Variants in SF1 observed in about 807,000 individuals in gnomAD.
The protein encoded by SF1 is splicing factor 1.
In SF1, 7 loss-of-function variants were observed where a neutral mutation model predicts 62.5. The observed-to-expected ratio is 0.11, with a 90% CI of 0.06 to 0.21. The LOEUF is 0.21. Among genes scored for constraint, SF1 ranks in the 10% least tolerant of loss-of-function variants. SF1 has a pLI of 1.00. For missense variants in SF1, 578 were observed against 884.0 expected, an observed-to-expected ratio of 0.65 and a Z score of 4.39; for synonymous variants, 394 against 323.6, an observed-to-expected ratio of 1.22 and a Z score of -2.33.
chr11:64,770,696 G>A (rs1405766949), intron 3 of SF1: 5 of 284,546 alleles, frequency 1.8e-5, no homozygotes, highest in Non-Finnish European at 3.3e-5. Context: ...TCTTTGGACT[G>A]TAAGTGGCAA....
intron 1 of SF1, chr11:64,777,783 C>G: frequency 2.1e-6 from 2 of 947,890 alleles, no homozygotes; most frequent in Non-Finnish European, 1.3e-6. Context: ...GCCTCCCGCC[C>G]GCCCAGCCCT....
rs773634108 is a variant in SF1, at chr11:64,769,498, T to C, written c.591A>G (p.Pro197=). Residue 197 remains proline, a synonymous_variant, in exon 6 of 13, where the codon CCA becomes CCG. Transcript: ENST00000377390. ...GGGCATGAAGTGGCTCATCTTCTCC[T>C]GGCAACATCTGGCCATCTTTGCGCC... is the stretch of plus-strand genomic sequence containing the variant. ...KVGRKDGQML[P]GEDEPLHALV... is the part of the protein sequence containing the mutation. 1.3e-5 allele frequency: 21 copies of C among 1,614,120 alleles called. No individual in the cohort carries two copies. In the Admixed American group the frequency reaches 3.0e-4, roughly 23 times the overall value.
At position 64,767,864 on chromosome 11, in the gene SF1, G is replaced by T. The variant is rs778883279; in HGVS notation, c.1069-20C>A. 7.5e-6 allele frequency: 12 copies of T among 1,603,532 alleles called. No homozygotes were observed. In the Admixed American group the frequency reaches 2.1e-4, roughly 28 times the overall value. On this transcript the variant is annotated intron_variant, in intron 9 of 12. Transcript: ENST00000377390. The stretch of plus-strand genomic sequence containing the variant: ...GAGAGACTACGTGAGAGCATTTCCT[G>T]CCAACGTCCCTGCCTGCGCCTCCTA...
rs758897629 is a variant in SF1, at chr11:64,767,059, T to C, written c.1423A>G (p.Met475Val). The C allele has an allele frequency of 2.2e-5, 35 of 1,580,392 alleles. No homozygotes were observed. Among genetic ancestry groups the C allele is most frequent in the Non-Finnish European group, 2.5e-5 (29 of 1,160,726 alleles). Reference sequence around the variant, plus strand: ...GGCGGCGGCGGCGGCATCATGCCCATAGGTGGTGGCGGCATCATACCTGTG... The same window carrying C: ...GGCGGCGGCGGCGGCATCATGCCCACAGGTGGTGGCGGCATCATACCTGTG... The part of the protein sequence containing the change: ...QGKGMMPPPP[M>V]GMMPPPPPPP... The change falls in exon 12 of 13, where the codon ATG becomes GTG. Residue 475 changes from methionine (M) to valine (V), a missense_variant. Met to Val is a conservative substitution (Grantham distance 21). This residue lies in a region of SF1 where 410 missense variants were observed against 452.4 expected (regional missense o/e 0.91). Coordinates refer to ENST00000377390, the MANE Select transcript of SF1 (RefSeq NM_004630.4).
At chr11:64,775,574 G>A (rs1939079203) in intron 2 of SF1, among the ~76,000 whole-genome samples, 1 of 152,212 alleles carries the variant, frequency 6.6e-6, no homozygotes, top group Non-Finnish European at 1.5e-5. Flanking sequence ...GTAACATGCT[G>A]GCCTTGAAGC....
At chr11:64,772,068 T>C (rs1938409527) in intron 3 of SF1, 2 of 985,310 alleles carry the variant, frequency 2.0e-6, no homozygotes, top group African/African-American at 3.5e-5. Context: ...TCACAACAGT[T>C]TAACCTCCTC....
chr11:64,767,266 A>G lies in SF1; in HGVS notation c.1343-15T>C. The G allele has an allele frequency of 1.2e-6, 2 of 1,613,688 alleles. No individual in the cohort carries two copies. The highest frequency in any genetic ancestry group is 4.5e-5 in the East Asian group (2 of 44,884). On this transcript the variant is annotated splice_polypyrimidine_tract_variant and intron_variant, in intron 10 of 12. Transcript: ENST00000377390. Reference sequence around the variant, plus strand: ...CAGGTACTGATCTTGATGGAAGGAAAGAGCAGGGACTTAGCAGGACATTGG... The same window carrying G: ...CAGGTACTGATCTTGATGGAAGGAAGGAGCAGGGACTTAGCAGGACATTGG...
intron 1 of SF1, among the ~76,000 whole-genome samples, chr11:64,777,281 T>C (rs1308213737): frequency 6.6e-6 from 1 of 152,146 alleles, no homozygotes; most frequent in African/African-American, 2.4e-5. Context: ...TCCCCGTACA[T>C]AGGCAGAAAC....
intron 2 of SF1, among the ~76,000 whole-genome samples, chr11:64,774,371 C>T (rs968924406): frequency 1.3e-5 from 2 of 152,160 alleles, no homozygotes; most frequent in Admixed American, 6.6e-5. Flanking sequence ...TTGCCAGTGA[C>T]GCCAGGGAAA....
intron 1 of SF1, among the ~76,000 whole-genome samples, chr11:64,777,243 C>T (rs184873843): frequency 2.6e-5 from 4 of 152,284 alleles, no homozygotes; most frequent in Admixed American, 2.0e-4. Flanking sequence ...AATTCAACAA[C>T]CTATACAATA....
rs199684468 is a variant in SF1, at chr11:64,765,349, T to C, written c.*469A>G. The C allele has an allele frequency of 2.3e-4, 176 of 767,526 alleles. No individual in the cohort carries two copies. The highest frequency in any genetic ancestry group is 6.2e-4 in the Admixed American group (27 of 43,240). The allele number at this position is 767,526 out of a possible 1,614,324, so 47.5% of individuals were successfully genotyped here. On this transcript the variant is annotated 3_prime_UTR_variant, in exon 13 of 13. Transcript: ENST00000377390. ...AAAAAAATTAATAAAAATTTCACGA[T>C]ATGGAGCCAGCGTGTTCCGATTCCG...
chr11:64,768,958 T>C (rs1300538906), intron 8 of SF1, 64 bp downstream of exon 8: 5 of 1,031,828 alleles, frequency 4.8e-6, no homozygotes, highest in East Asian at 2.4e-5. Context: ...AACCAATGAA[T>C]GTGCCAGAAA....
chr11:64,770,900 T>C (rs1325186958), intron 3 of SF1, among the ~76,000 whole-genome samples: 1 of 152,212 alleles, frequency 6.6e-6, no homozygotes, highest in Non-Finnish European at 1.5e-5. Flanking sequence ...TTTAACCCAA[T>C]GCAACTGGGA....
chr11:64,767,547 GT>G, intron 10 of SF1, 23 bp downstream of exon 10: 1 of 1,529,202 alleles, frequency 6.5e-7, no homozygotes, highest in Non-Finnish European at 8.8e-7. Context: ...AGCCCCCAAG[GT>G]TTCTGGTCTG....
chr11:64,774,676 C>A (rs1330430799), intron 2 of SF1, among the ~76,000 whole-genome samples: 1 of 152,106 alleles, frequency 6.6e-6, no homozygotes, highest in Non-Finnish European at 1.5e-5. Flanking sequence ...AAAGAAAATA[C>A]TGGCCGGGCA....
chr11:64,772,137 T>G (rs1938421228), intron 3 of SF1: 48 of 985,156 alleles, frequency 4.9e-5, no homozygotes, highest in Non-Finnish European at 5.8e-5. Context: ...TGGCCCGACT[T>G]CTTCACCTCC....
At chr11:64,766,232 G>A (rs950483810) in intron 12 of SF1, 77 bp from the exon 13 acceptor site, 2 of 1,045,316 alleles carry the variant, frequency 1.9e-6, no homozygotes, top group Non-Finnish European at 2.8e-6. Flanking sequence ...CTTGGGATGG[G>A]GGCGAGGGGC....
At chr11:64,774,738 T>A (rs1001096322) in intron 2 of SF1, among the ~76,000 whole-genome samples, 18 of 152,100 alleles carry the variant, frequency 1.2e-4, no homozygotes, top group Non-Finnish European at 2.9e-5. Context: ...GGCAGGCAGA[T>A]CATGAGGACA....
rs1203748276 is a variant in SF1, at chr11:64,765,217, C to T, written c.*601G>A. 1 of 431,088 alleles carries T rather than the reference C, an allele frequency of 2.3e-6. No individual in the cohort carries two copies. The highest frequency in any genetic ancestry group is 4.2e-6 in the Non-Finnish European group (1 of 240,398). 26.7% of individuals were successfully genotyped at this position (431,088 alleles called of 1,614,324 possible). A position where few individuals can be genotyped will look rare whatever the true frequency, so the allele number is the denominator to read the frequency against. ...CCTCTCCTTGGTAAGGGAAGGAGAA[C>T]TGGAGAGAAGGGAAAGGAATCTAAA... On this transcript the variant is annotated 3_prime_UTR_variant, in exon 13 of 13. Coordinates refer to ENST00000377390, the MANE Select transcript of SF1 (RefSeq NM_004630.4).
Sources: gnomAD v4.1 joint callset for allele counts (sites outside exome capture counted in the v4.1 genomes callset) on GRCh38, gnomAD v4.1.1 for gene constraint, gnomAD v4.1.1 regional missense constraint, MANE v1.5 for transcripts, NCBI Gene and HGNC (gene_info 2026-07-23, HGNC 2026-07-21) for gene names.